The following SUN5 variants were observed in gnomAD, a reference collection of about 807,000 sequenced individuals.
SUN5 encodes SUN domain-containing protein 5.
Under a neutral mutation model 53.7 loss-of-function variants are expected in SUN5, and 44 were observed. The ratio of observed to expected loss-of-function variants is 0.82; its 90% CI spans 0.64 to 1.05. SUN5 has a LOEUF of 1.05. Among genes scored for constraint, SUN5 ranks in the 50% least tolerant of loss-of-function variants. The pLI is 0.00. For synonymous variants in SUN5, 166 were observed against 179.8 expected (o/e 0.92, Z 0.62); for missense variants, 433 against 483.8 (o/e 0.90, Z 0.98).
chr20:32,997,950 G>A (rs547410272), intron 5 of SUN5, among the ~76,000 whole-genome samples: 13 of 152,198 alleles, frequency 8.5e-5, no homozygotes, highest in Non-Finnish European at 1.8e-4. Context: ...CCCCTTCCCT[G>A]TTCCAACTCT....
At chr20:32,999,413 T>C (rs1332049214) in intron 5 of SUN5, among the ~76,000 whole-genome samples, 1 of 152,116 alleles carries the variant, frequency 6.6e-6, no homozygotes, top group Non-Finnish European at 1.5e-5. Flanking sequence ...GCCAAGATGA[T>C]GAAACCCCAT....
intron 9 of SUN5, 32 bp downstream of exon 9, chr20:32,989,588 G>A (rs6058991): frequency 0.37 from 588,209 of 1,596,402 alleles, 114,768 homozygotes; most frequent in East Asian, 0.77. Flanking sequence ...GACACTTGAG[G>A]CAGTCAGATG....
At chr20:32,999,144 G>A (rs1420541940) in intron 5 of SUN5, among the ~76,000 whole-genome samples, 1 of 152,190 alleles carries the variant, frequency 6.6e-6, no homozygotes, top group Non-Finnish European at 1.5e-5. Flanking sequence ...GGGATCCAAG[G>A]TTAGGTGTCT....
At chr20:32,985,683 A>C in intron 11 of SUN5, 53 bp downstream of exon 11, 1 of 1,590,932 alleles carries the variant, frequency 6.3e-7, no homozygotes, top group Non-Finnish European at 8.6e-7. Flanking sequence ...GAATATCACC[A>C]TTGGAAGGTT....
At chr20:32,983,985 T>C in intron 12 of SUN5, 36 bp from the exon 13 acceptor site, 7 of 1,503,418 alleles carry the variant, frequency 4.7e-6, no homozygotes, top group East Asian at 2.5e-5. Flanking sequence ...AGCTCACCCA[T>C]AGACTCCCAC....
At position 33,001,193 on chromosome 20, in the gene SUN5, C is replaced by A; in HGVS notation, c.278+19G>T. 1 of 1,563,180 alleles carries A rather than the reference C, an allele frequency of 6.4e-7. No homozygotes were observed. ...ATTTCCCACTCCCCATCCACCCTCC[C>A]CCTGCCTTCCCTGCTCACCTGCACG... On this transcript the variant is annotated intron_variant, in intron 4 of 12. Coordinates refer to ENST00000356173, the MANE Select transcript of SUN5 (RefSeq NM_080675.4).
chr20:32,983,889 G>T lies in SUN5; in HGVS notation c.1045C>A (p.Pro349Thr). ...ACGCGGTACAGGCAAGTGAAGCCTG[G>T]GTTCCCCCAGTTGCTTGAGATCTTC... ...KVKISSNWGN[P>T]GFTCLYRVRV... The change falls in exon 13 of 13, where the codon CCA becomes ACA. Residue 349 changes from proline to threonine, a missense_variant. Transcript: ENST00000356173. 6.3e-7 allele frequency: 1 copy of T among 1,599,452 alleles called. No homozygotes were observed. Among genetic ancestry groups the T allele is most frequent in the Non-Finnish European group, 8.5e-7 (1 of 1,172,980 alleles).
intron 3 of SUN5, among the ~76,000 whole-genome samples, chr20:33,001,656 TCC>T (rs776239185): frequency 4.3e-5 from 3 of 69,630 alleles, no homozygotes; most frequent in African/African-American, 1.8e-4. Context: ...CCTCCCTCCC[TCC>T]CTCCCTCCCT....
rs773132705 is a variant in SUN5 at position 32,985,845 on chromosome 20, A to C, written c.788T>G (p.Ile263Ser). Residue 263 changes from isoleucine (I) to serine (S), a missense_variant, in exon 11 of 13, where the codon ATC (isoleucine) becomes AGC (serine). By Grantham distance (142) the Ile-to-Ser change is moderately radical. Transcript: ENST00000356173. ...CAGGTAAACCTTCTGAGCCAATTGG[A>C]TGGTCACCTGGCCGCGGTCACCCTC... Reference protein sequence around the residue: ...AFEGDRGQVTIQLAQKVYLSN... With the variant: ...AFEGDRGQVTSQLAQKVYLSN... 6.2e-7 allele frequency: 1 copy of C among 1,614,076 alleles called. No individual in the cohort carries two copies. The highest frequency in any genetic ancestry group is 1.7e-5 in the Admixed American group (1 of 60,020).
intron 3 of SUN5, among the ~76,000 whole-genome samples, 153 bp downstream of exon 3, chr20:33,002,434 C>T (rs993953449): frequency 2.0e-5 from 3 of 152,294 alleles, no homozygotes; most frequent in East Asian, 1.9e-4. Context: ...ATGATACCTC[C>T]GATGGGTAGA....
At chr20:32,989,103 T>C (rs1989630191) in intron 9 of SUN5, among the ~76,000 whole-genome samples, 1 of 151,974 alleles carries the variant, frequency 6.6e-6, no homozygotes, top group African/African-American at 2.4e-5. Context: ...TTTTTTGTAT[T>C]TTTAGTAGAG....
In SUN5 at chr20:32,984,459, C is replaced by T. The variant is rs556237306; in HGVS notation, c.985-510G>A. 1.3e-3 allele frequency among the ~76,000 whole-genome samples: 196 copies of T among 152,302 alleles called. 1 individual carries two copies. The highest frequency in any genetic ancestry group is 1.9e-4 in the Non-Finnish European group (13 of 68,038). ...AGCCTGTGTTTATTACTCTCCCTAT[C>T]TAGTGTAAAAAGTGGGGCGGGCTTG... On this transcript the variant is annotated intron_variant, in intron 12 of 12. Transcript: ENST00000356173.
In SUN5 at chr20:33,001,218, GT is replaced by G; in HGVS notation, c.271del (p.Thr91ArgfsTer36). On this transcript the variant is annotated frameshift_variant, in exon 4 of 13. Transcript: ENST00000356173. LOFTEE classifies it high-confidence loss of function. ...RTQAQQVLFN[T>X]CRCKLLCQKL... is the part of the protein sequence containing the mutation. Reference sequence around the variant, plus strand: ...CCCTGCCTTCCCTGCTCACCTGCACGTGTTAAACAGAACCTGCTGGGCCTGA... The same window carrying G: ...CCCTGCCTTCCCTGCTCACCTGCACGGTTAAACAGAACCTGCTGGGCCTGA... 1.3e-6 allele frequency: 2 copies of G among 1,573,814 alleles called. No individual in the cohort carries two copies. The highest frequency in any genetic ancestry group is 1.7e-6 in the Non-Finnish European group (2 of 1,157,286).
chr20:32,986,002 TC>T (rs1989529519), intron 10 of SUN5, 99 bp from the exon 11 acceptor site: 6 of 1,348,806 alleles, frequency 4.4e-6, no homozygotes, highest in Non-Finnish European at 6.1e-6. Context: ...GGTGAGCCAG[TC>T]CTTTCTTGTC....
At chr20:32,985,634 C>A (rs769189095) in intron 11 of SUN5, 102 bp downstream of exon 11, 4 of 1,419,240 alleles carry the variant, frequency 2.8e-6, no homozygotes, top group Non-Finnish European at 3.8e-6. Context: ...GCCCCTCCAG[C>A]CTGCAAGTGT....
At chr20:32,993,960 CTGGGCA>C in intron 8 of SUN5, among the ~76,000 whole-genome samples, 1 of 152,210 alleles carries the variant, frequency 6.6e-6, no homozygotes, top group East Asian at 1.9e-4. Flanking sequence ...TAAATCAATC[CTGGGCA>C]CAATTAGAAC....
At chr20:32,986,172 T>TCACTCACTCATTCATTCATTC (rs1568962301) in intron 10 of SUN5, among the ~76,000 whole-genome samples, 1 of 152,072 alleles carries the variant, frequency 6.6e-6, no homozygotes, top group Non-Finnish European at 1.5e-5. Context: ...TTCATTCATT[T>TCACTCACTCATTCATTCATTC]ACTCACTCAC....
chr20:32,986,644 C>G (rs1989548454), intron 10 of SUN5, among the ~76,000 whole-genome samples: 1 of 152,122 alleles, frequency 6.6e-6, no homozygotes, highest in African/African-American at 2.4e-5. Flanking sequence ...GGGAAAGGAC[C>G]AGGGGCGAGC....
At chr20:32,998,728 AAAG>A (rs1416817009) in intron 5 of SUN5, among the ~76,000 whole-genome samples, 2 of 152,106 alleles carry the variant, frequency 1.3e-5, no homozygotes, top group African/African-American at 4.8e-5. Context: ...TAGTCAAGAA[AAAG>A]AAGTAGGCCA....
Sources: gnomAD v4.1 joint callset for allele counts (sites outside exome capture counted in the v4.1 genomes callset) on GRCh38, gnomAD v4.1.1 for gene constraint, MANE v1.5 for transcripts, NCBI Gene and HGNC (gene_info 2026-07-23, HGNC 2026-07-21) for gene names.